The following MERTK variants were observed in gnomAD, a reference collection of about 807,000 sequenced individuals.
MERTK encodes the protein tyrosine-protein kinase Mer.
In MERTK, 69 loss-of-function variants were observed where a neutral mutation model predicts 99.3. That is an observed-to-expected ratio of 0.70 (90% CI 0.57 to 0.85). The LOEUF (loss-of-function observed/expected upper bound fraction) is 0.85, where lower values mean the gene tolerates loss of function less well. Among genes scored for constraint, MERTK ranks in the 40% least tolerant of loss-of-function variants. The probability of loss-of-function intolerance (pLI) is 0.00; values close to 1 mark genes in which losing one functional copy is unlikely to be tolerated. For missense variants in MERTK, 1,125 were observed against 1,249.4 expected, an observed-to-expected ratio of 0.90 and a Z score of 1.50; for synonymous variants, 426 against 467.6, an observed-to-expected ratio of 0.91 and a Z score of 1.15.
At chr2:111,915,455 A>G (rs961050156) in intron 1 of MERTK, among the ~76,000 whole-genome samples, 44 of 150,656 alleles carry the variant, frequency 2.9e-4, no homozygotes, top group African/African-American at 1.1e-3. Flanking sequence ...TAAATGATGG[A>G]TTTGAGACTT....
chr2:111,922,417 C>T (rs1339307035), intron 1 of MERTK, among the ~76,000 whole-genome samples: 2 of 152,236 alleles, frequency 1.3e-5, no homozygotes, highest in Non-Finnish European at 2.9e-5. Context: ...CCCTTCGCAT[C>T]CCAAGCCCGA....
chr2:111,909,618 T>C (rs1050150750), intron 1 of MERTK, among the ~76,000 whole-genome samples: 2 of 152,182 alleles, frequency 1.3e-5, no homozygotes, highest in African/African-American at 4.8e-5. Flanking sequence ...AGTTATAGAT[T>C]AGAAGAAGTT....
intron 4 of MERTK, among the ~76,000 whole-genome samples, chr2:111,949,493 T>A (rs1685018339): frequency 6.6e-6 from 1 of 152,220 alleles, no homozygotes; most frequent in Admixed American, 6.5e-5. Flanking sequence ...TGAGTTTTTT[T>A]AGGGAATTAA....
chr2:112,028,332 A>G lies in MERTK; in HGVS notation c.2487-19A>G. On this transcript the variant is annotated intron_variant, in intron 18 of 18. Coordinates refer to ENST00000295408, the MANE Select transcript of MERTK (RefSeq NM_006343.3). ...TGGGTGCCATGCTGGGAGACAATCCACTTCTTTTTAACTTTCAGGTATGAA... is the reference window on the plus strand; with the variant it reads ...TGGGTGCCATGCTGGGAGACAATCCGCTTCTTTTTAACTTTCAGGTATGAA... The G allele has an allele frequency of 6.2e-7, 1 of 1,613,316 alleles. No individual in the cohort carries two copies. Among genetic ancestry groups the G allele is most frequent in the Non-Finnish European group, 8.5e-7 (1 of 1,179,260 alleles).
rs2104411620 is a variant in MERTK at position 112,008,382 on chromosome 2, G to A, written c.1868-1G>A. The A allele has an allele frequency of 6.2e-7, 1 of 1,611,928 alleles. No homozygotes were observed. The highest frequency in any genetic ancestry group is 1.1e-5 in the South Asian group (1 of 91,034). On this transcript the variant is annotated splice_acceptor_variant, in intron 13 of 18. Transcript: ENST00000295408. LOFTEE classifies it high-confidence loss of function. ...TTAACCTTTTCTATTTTCTCCTCTAGTGGACAACTCTTCACAGCGGGAGAT... is the reference window on the plus strand; with the variant it reads ...TTAACCTTTTCTATTTTCTCCTCTAATGGACAACTCTTCACAGCGGGAGAT...
At chr2:112,002,060 G>A (rs1676881223) in intron 11 of MERTK, among the ~76,000 whole-genome samples, 1 of 151,730 alleles carries the variant, frequency 6.6e-6, no homozygotes, top group East Asian at 1.9e-4. Flanking sequence ...GAACTAATGT[G>A]TCCTAATTAT....
chr2:111,932,093 A>G (rs1481588480), intron 2 of MERTK, among the ~76,000 whole-genome samples: 2 of 152,298 alleles, frequency 1.3e-5, no homozygotes, highest in Non-Finnish European at 1.5e-5. Flanking sequence ...TCAGCTTATT[A>G]TATATAAACT....
intron 3 of MERTK, among the ~76,000 whole-genome samples, chr2:111,946,563 T>C (rs977571251): frequency 6.6e-6 from 1 of 152,210 alleles, no homozygotes; most frequent in Non-Finnish European, 1.5e-5. Flanking sequence ...GCAACTGTGT[T>C]TATACAGTTT....
chr2:111,983,089 C>T, intron 8 of MERTK, 96 bp downstream of exon 8: 1 of 1,465,948 alleles, frequency 6.8e-7, no homozygotes, highest in Non-Finnish European at 9.5e-7. Context: ...TTGAAAAGAC[C>T]TGGTGTGATT....
intron 4 of MERTK, 121 bp from the exon 5 acceptor site, chr2:111,965,068 CTT>C: frequency 1.1e-6 from 1 of 928,308 alleles, no homozygotes; most frequent in South Asian, 1.6e-5. Flanking sequence ...TTTAAATTAA[CTT>C]TGCACTAATG....
intron 2 of MERTK, among the ~76,000 whole-genome samples, chr2:111,932,237 A>G (rs1050704238): frequency 5.3e-5 from 8 of 152,198 alleles, no homozygotes; most frequent in South Asian, 2.1e-4. Flanking sequence ...GCTGGAGTGC[A>G]GTGGCGCGAC....
intron 4 of MERTK, among the ~76,000 whole-genome samples, chr2:111,954,840 T>A (rs1248460065): frequency 6.6e-6 from 1 of 152,182 alleles, no homozygotes; most frequent in East Asian, 1.9e-4. Context: ...CTCTCAAAAG[T>A]CAGCTAGTTG....
At chr2:111,954,779 G>C (rs770407180) in intron 4 of MERTK, among the ~76,000 whole-genome samples, 1 of 152,218 alleles carries the variant, frequency 6.6e-6, no homozygotes, top group Non-Finnish European at 1.5e-5. Flanking sequence ...GAGGAAGGGC[G>C]TGGGGCCCAG....
chr2:111,977,392 T>C (rs1481971037), intron 7 of MERTK, among the ~76,000 whole-genome samples: 1 of 152,220 alleles, frequency 6.6e-6, no homozygotes. Context: ...GTTGCTCCCC[T>C]ATCTTCTCGC....
At chr2:112,027,982 A>G (rs1197728147) in intron 18 of MERTK, among the ~76,000 whole-genome samples, 2 of 152,228 alleles carry the variant, frequency 1.3e-5, no homozygotes, top group East Asian at 3.8e-4. Context: ...GTGTAAACAA[A>G]TAAGGATAGC....
intron 3 of MERTK, among the ~76,000 whole-genome samples, 163 bp from the exon 4 acceptor site, chr2:111,947,231 C>T (rs768836675): frequency 2.0e-5 from 3 of 152,176 alleles, no homozygotes; most frequent in Non-Finnish European, 2.9e-5. Flanking sequence ...CGACATCAGG[C>T]CACTGCACTC....
chr2:111,958,820 A>G (rs1685195121), intron 4 of MERTK, among the ~76,000 whole-genome samples: 1 of 152,124 alleles, frequency 6.6e-6, no homozygotes, highest in African/African-American at 2.4e-5. Context: ...GGATCCTACT[A>G]TAGGTTCTAT....
Position 111,995,165 on chromosome 2 carries a change from A to G in MERTK, c.1450+761A>G, listed in dbSNP as rs145259763. 1.9e-5 allele frequency: 3 copies of G among 155,668 alleles called. No individual in the cohort carries two copies. The East Asian group carries it at 5.8e-4, about 30-fold the overall frequency. The allele number at this position is 155,668 out of a possible 1,614,324, so 9.6% of individuals were successfully genotyped here. A position where few individuals can be genotyped will look rare whatever the true frequency, so the allele number is the denominator to read the frequency against. On this transcript the variant is annotated intron_variant, in intron 9 of 18. Coordinates refer to ENST00000295408, the MANE Select transcript of MERTK (RefSeq NM_006343.3). Reference sequence around the variant, plus strand: ...CTTTGTGCTTTGGTCTGCACGGAACATGAAATATTTCCTATGGAAGCCATC... The same window carrying G: ...CTTTGTGCTTTGGTCTGCACGGAACGTGAAATATTTCCTATGGAAGCCATC...
chr2:111,909,254 G>A (rs1684196502), intron 1 of MERTK, among the ~76,000 whole-genome samples: 1 of 152,186 alleles, frequency 6.6e-6, no homozygotes, highest in African/African-American at 2.4e-5. Flanking sequence ...TCAGCACTGA[G>A]TGGTTAAGTT....
Sources: allele counts gnomAD v4.1 joint callset (sites outside exome capture counted in the v4.1 genomes callset), GRCh38; gene constraint gnomAD v4.1.1; transcripts MANE v1.5; gene names NCBI Gene and HGNC (gene_info 2026-07-23, HGNC 2026-07-21).